MEGF6: variants seen among roughly 807,000 people sequenced by gnomAD.
MEGF6 encodes the protein multiple EGF like domains 6.
MEGF6 carries 184 observed loss-of-function variants against 207.1 expected under a neutral mutation model. The ratio of observed to expected loss-of-function variants is 0.89; its 90% CI spans 0.79 to 1.00. MEGF6 has a LOEUF of 1.00. Among genes scored for constraint, MEGF6 ranks in the 50% least tolerant of loss-of-function variants. The pLI is 0.00. For synonymous variants in MEGF6, 1,038 were observed against 910.0 expected (o/e 1.14, Z -2.53); for missense variants, 2,282 against 2,202.9 (o/e 1.04, Z -0.72).
At position 3,607,273 on chromosome 1, in the gene MEGF6, G is replaced by A. The variant is rs192894186; in HGVS notation, c.131+3865C>T. Among the ~76,000 whole-genome samples, 203 of 148,996 alleles carry A rather than the reference G, an allele frequency of 1.4e-3. 2 individuals are homozygous for A. The highest frequency in any genetic ancestry group is 4.7e-3 in the African/African-American group (189 of 40,246). Reference sequence around the variant, plus strand: ...GCAGCCCTTCCCGCACATCACACCCGTCACTCTCCCGGCCCCTGCCCGCCT... The same window carrying A: ...GCAGCCCTTCCCGCACATCACACCCATCACTCTCCCGGCCCCTGCCCGCCT... On this transcript the variant is annotated intron_variant, in intron 1 of 36. Coordinates refer to ENST00000356575, the MANE Select transcript of MEGF6 (RefSeq NM_001409.4).
intron 10 of MEGF6, 99 bp downstream of exon 10, chr1:3,510,684 A>T (rs77282815): frequency 6.9e-7 from 1 of 1,458,966 alleles, no homozygotes; most frequent in Non-Finnish European, 9.1e-7. Context: ...GGCCGACCCC[A>T]TGCCCACCAT....
intron 7 of MEGF6, among the ~76,000 whole-genome samples, 164 bp downstream of exon 7, chr1:3,514,386 C>G (rs1403067845): frequency 6.6e-6 from 1 of 152,230 alleles, no homozygotes; most frequent in Non-Finnish European, 1.5e-5. Context: ...CAGCCCCCAG[C>G]AAGGGAGATG....
intron 7 of MEGF6, among the ~76,000 whole-genome samples, chr1:3,513,279 A>G (rs1641418525): frequency 6.6e-6 from 1 of 151,918 alleles, no homozygotes; most frequent in Non-Finnish European, 1.5e-5. Flanking sequence ...TGGTGCAATC[A>G]TGGCTCACTG....
intron 17 of MEGF6, 68 bp downstream of exon 17, chr1:3,505,140 C>G: frequency 6.4e-7 from 1 of 1,573,460 alleles, no homozygotes; most frequent in East Asian, 2.2e-5. Context: ...GAAGCCTACC[C>G]TCCAGCCAGG....
intron 22 of MEGF6, 28 bp from the exon 23 acceptor site, chr1:3,499,744 G>C (rs1557720206): frequency 6.3e-7 from 1 of 1,597,544 alleles, no homozygotes; most frequent in Middle Eastern, 1.7e-4. Context: ...TGATGTGGAG[G>C]GGCCCACACT....
intron 4 of MEGF6, among the ~76,000 whole-genome samples, chr1:3,554,826 C>T (rs1166288637): frequency 2.6e-5 from 4 of 152,340 alleles, no homozygotes; most frequent in Non-Finnish European, 4.4e-5. Context: ...TCTACAAAGT[C>T]GTTGCCATTC....
In MEGF6 at chr1:3,565,193, C is replaced by T. The variant is rs1643310724; in HGVS notation, c.481+14632G>A. Among the ~76,000 whole-genome samples, 1 of 152,124 alleles carries T rather than the reference C, an allele frequency of 6.6e-6. No individual in the cohort carries two copies. The highest frequency in any genetic ancestry group is 2.4e-5 in the African/African-American group (1 of 41,422). On this transcript the variant is annotated intron_variant, in intron 4 of 36. Transcript: ENST00000356575. The surrounding 1 kb of genome is among the most constrained non-coding windows in gnomAD (Gnocchi z 4.8). ...ACCCCCTGCCTGGGTCTCGTCCTCT[C>T]TCCCACTGTGTCCCCGAGGCCTGGG...
chr1:3,540,177 G>A (rs1642469587), intron 4 of MEGF6, among the ~76,000 whole-genome samples: 1 of 152,218 alleles, frequency 6.6e-6, no homozygotes, highest in African/African-American at 2.4e-5. Flanking sequence ...GACGCTGAAG[G>A]CTATTATTTT....
chr1:3,494,172 T>C (rs1448930774), intron 32 of MEGF6, 48 bp from the exon 33 acceptor site: 5 of 1,520,120 alleles, frequency 3.3e-6, no homozygotes, highest in Non-Finnish European at 2.6e-6. Context: ...GTGGCAGAAA[T>C]GTCCAGTTTG....
At chr1:3,491,343 C>T (rs910991374) in intron 35 of MEGF6, among the ~76,000 whole-genome samples, 1 of 152,130 alleles carries the variant, frequency 6.6e-6, no homozygotes, top group South Asian at 2.1e-4. Flanking sequence ...CCCCGGCACC[C>T]GGCACCCAGC....
chr1:3,497,213 G>C lies in MEGF6; in HGVS notation c.3481+20C>G, dbSNP rs1460696889. The C allele has an allele frequency of 4.6e-6, 7 of 1,513,272 alleles. No individual in the cohort carries two copies. In the South Asian group the frequency reaches 7.8e-5, roughly 17 times the overall value. The allele number at this position is 1,513,272 out of a possible 1,614,324, so 93.7% of individuals were successfully genotyped here. ...CCCCTGCCCAGCCGCTCCTCGGGGT[G>C]GGGGCTTGGGAGCACCTACCCTGCT... is the stretch of plus-strand genomic sequence containing the variant. On this transcript the variant is annotated intron_variant, in intron 27 of 36. Transcript: ENST00000356575.
In MEGF6 at chr1:3,494,715, C is replaced by T; in HGVS notation, c.3898G>A (p.Gly1300Ser). 3 of 1,588,032 alleles carry T rather than the reference C, an allele frequency of 1.9e-6. No homozygotes were observed. The highest frequency in any genetic ancestry group is 2.6e-6 in the Non-Finnish European group (3 of 1,168,288). ...CTGCAGGAGCAGGTGTGCTCGCAGC[C>T]CACGCCAAACCGGTTCTGGGGGCAG... ...RGCPQNRFGV[G>S]CEHTCSCRNG... The change falls in exon 31 of 37, where the codon GGC (glycine) becomes AGC (serine). Residue 1300 changes from glycine to serine, a missense_variant. Physicochemically the swap from Gly to Ser is moderately conservative, Grantham distance 56 (BLOSUM62 0). Transcript: ENST00000356575.
rs148933834 is a variant in MEGF6 at position 3,545,201 on chromosome 1, A to G, written c.482-20955T>C. On this transcript the variant is annotated intron_variant, in intron 4 of 36. Coordinates refer to ENST00000356575, the MANE Select transcript of MEGF6 (RefSeq NM_001409.4). ...AGGGACTCCTAGCCCCAGGGACACCAGCCCGAGAGGGGTGCACTTCTTCCC... is the reference window on the plus strand; with the variant it reads ...AGGGACTCCTAGCCCCAGGGACACCGGCCCGAGAGGGGTGCACTTCTTCCC... 8.1e-4 allele frequency among the ~76,000 whole-genome samples: 124 copies of G among 152,224 alleles called. 2 individuals are homozygous for G. The highest frequency in any genetic ancestry group is 2.8e-3 in the African/African-American group (116 of 41,522).
intron 3 of MEGF6, among the ~76,000 whole-genome samples, chr1:3,586,828 GGGCCCGCC>G: frequency 6.6e-6 from 1 of 152,316 alleles, no homozygotes. Context: ...GAGACCTGCC[GGGCCCGCC>G]GGCCTGATGG....
intron 34 of MEGF6, 158 bp from the exon 35 acceptor site, chr1:3,492,925 TGAG>T: frequency 1.0e-6 from 1 of 990,816 alleles, no homozygotes; most frequent in East Asian, 2.7e-5. Flanking sequence ...CGGTTTCCCC[TGAG>T]GAGTAAACAG....
chr1:3,612,850 C>T (rs183424533), upstream of MEGF6, among the ~76,000 whole-genome samples: 6 of 152,190 alleles, frequency 3.9e-5, no homozygotes, highest in Non-Finnish European at 8.8e-5. Context: ...CTGGAGGCTA[C>T]AGTCCTCTGG....
At chr1:3,580,075 C>T (rs1183439777) in intron 3 of MEGF6, 146 bp from the exon 4 acceptor site, 6 of 579,510 alleles carry the variant, frequency 1.0e-5, no homozygotes, top group South Asian at 7.7e-5. Flanking sequence ...ACACATTGCC[C>T]GGCCACCAAT....
In MEGF6 at chr1:3,493,869, C is replaced by T; in HGVS notation, c.4289G>A (p.Cys1430Tyr). The T allele has an allele frequency of 3.1e-6, 5 of 1,594,602 alleles. No homozygotes were observed. Among genetic ancestry groups the T allele is most frequent in the Non-Finnish European group, 4.3e-6 (5 of 1,171,206 alleles). Reference sequence around the variant, plus strand: ...CCCGTCACAGTCACAGCGCTGGTGGCAGCCCTCTCCAAATGAACCTGGCTC... The same window carrying T: ...CCCGTCACAGTCACAGCGCTGGTGGTAGCCCTCTCCAAATGAACCTGGCTC... Reference protein sequence around the residue: ...GCEPGSFGEGCHQRCDCDGGA... With the variant: ...GCEPGSFGEGYHQRCDCDGGA... The change falls in exon 34 of 37, where the codon TGC becomes TAC. Residue 1430 changes from cysteine to tyrosine, a missense_variant. Coordinates refer to ENST00000356575, the MANE Select transcript of MEGF6 (RefSeq NM_001409.4).
At position 3,611,175 on chromosome 1, in the gene MEGF6, C is replaced by G. The variant is rs1301298310; in HGVS notation, c.94G>C (p.Val32Leu). 6.5e-7 allele frequency: 1 copy of G among 1,546,956 alleles called. No individual in the cohort carries two copies. The highest frequency in any genetic ancestry group is 8.6e-7 in the Non-Finnish European group (1 of 1,156,704). Reference sequence around the variant, plus strand: ...AGCGGGAGCAGGGGCCGCGGCGGAACGCTGGCGCCCACGGGCACGGCGGGG... The same window carrying G: ...AGCGGGAGCAGGGGCCGCGGCGGAAGGCTGGCGCCCACGGGCACGGCGGGG... ...LLPAVPVGASVPPRPLLPLQP... is the reference protein window; with the variant it reads ...LLPAVPVGASLPPRPLLPLQP... The change falls in exon 1 of 37, where the codon GTT (valine) becomes CTT (leucine). Residue 32 changes from valine to leucine, a missense_variant. Physicochemically the swap from Val to Leu is conservative, Grantham distance 32. Transcript: ENST00000356575.
Sources: gnomAD v4.1 joint callset for allele counts (sites outside exome capture counted in the v4.1 genomes callset) on GRCh38, gnomAD v4.1.1 for gene constraint, Gnocchi (gnomAD v3.1) non-coding constraint, MANE v1.5 for transcripts, NCBI Gene and HGNC (gene_info 2026-07-23, HGNC 2026-07-21) for gene names.